Variants in PTPRG observed in about 807,000 individuals in gnomAD.
PTPRG encodes the protein receptor-type tyrosine-protein phosphatase gamma.
PTPRG carries 102 observed loss-of-function variants against 165.3 expected under a neutral mutation model. The observed-to-expected ratio is 0.62, with a 90% CI of 0.53 to 0.73. PTPRG has a LOEUF of 0.73. Among genes scored for constraint, PTPRG ranks in the 30% least tolerant of loss-of-function variants. PTPRG has a pLI of 0.00. For missense variants in PTPRG, 1,866 were observed against 1,861.4 expected (o/e 1.00, Z -0.05); for synonymous variants, 675 against 669.5 (o/e 1.01, Z -0.13).
At chr3:61,801,474 T>C (rs2107171740) in intron 2 of PTPRG, among the ~76,000 whole-genome samples, 1 of 151,596 alleles carries the variant, frequency 6.6e-6, no homozygotes, top group African/African-American at 2.4e-5. Context: ...TTTACACACA[T>C]ACATAGAAGA....
At chr3:62,292,628 G>T (rs915364231) in intron 29 of PTPRG, 72 bp downstream of exon 29, 1 of 1,537,762 alleles carries the variant, frequency 6.5e-7, no homozygotes. Context: ...TAGAGCAGTA[G>T]TTCTCAATTG....
intron 28 of PTPRG, among the ~76,000 whole-genome samples, chr3:62,287,459 G>C (rs1462677515): frequency 6.6e-6 from 1 of 152,026 alleles, no homozygotes; most frequent in African/African-American, 2.4e-5. Context: ...CATTTATTAT[G>C]AAATAGGAAC....
chr3:62,286,633 T>TAAAGGCAGG (rs1247120591), intron 28 of PTPRG, among the ~76,000 whole-genome samples: 1 of 151,906 alleles, frequency 6.6e-6, no homozygotes, highest in Admixed American at 6.6e-5. Flanking sequence ...TTGAAGTAAA[T>TAAAGGCAGG]AAAGGCAGGG....
chr3:62,221,979 C>A (rs1700661230), intron 13 of PTPRG, among the ~76,000 whole-genome samples: 1 of 152,204 alleles, frequency 6.6e-6, no homozygotes, highest in Non-Finnish European at 1.5e-5. Context: ...TGGGTGGCAC[C>A]AACTCATGTG....
chr3:62,069,684 T>TCTCTCTCACA (rs542306888), intron 4 of PTPRG, among the ~76,000 whole-genome samples: 20 of 145,054 alleles, frequency 1.4e-4, no homozygotes, highest in Admixed American at 5.5e-4. Flanking sequence ...TCTCTCTCTC[T>TCTCTCTCACA]CACACACAGA....
intron 4 of PTPRG, among the ~76,000 whole-genome samples, chr3:62,034,603 A>G (rs184079671): frequency 2.4e-4 from 36 of 152,348 alleles, no homozygotes; most frequent in Admixed American, 9.1e-4. Flanking sequence ...GTAGATATCC[A>G]TTAAAATTCT....
At chr3:62,178,136 A>AGGATGGATGGATGGAT (rs66547961) in intron 8 of PTPRG, among the ~76,000 whole-genome samples, 26 of 141,638 alleles carry the variant, frequency 1.8e-4, no homozygotes, top group East Asian at 8.8e-4. Flanking sequence ...AATGGATGGG[A>AGGATGGATGGATGGAT]GGATGGATGG....
intron 16 of PTPRG, among the ~76,000 whole-genome samples, chr3:62,256,743 T>C (rs1701545148): frequency 6.6e-6 from 1 of 152,150 alleles, no homozygotes; most frequent in African/African-American, 2.4e-5. Context: ...GCAACTCCAG[T>C]TTCTCAATTA....
chr3:62,045,018 T>C (rs1317506753), intron 4 of PTPRG, among the ~76,000 whole-genome samples: 1 of 152,130 alleles, frequency 6.6e-6, no homozygotes. Context: ...GTGTTTTAAT[T>C]TGCATTCATT....
chr3:61,621,049 A>G (rs57155937), intron 1 of PTPRG, among the ~76,000 whole-genome samples: 19,183 of 103,966 alleles, frequency 0.18, 1,797 homozygotes, highest in African/African-American at 0.28. Context: ...ATATATATAT[A>G]TATGTGTGTG....
chr3:61,765,380 TTTA>T (rs1309187494), intron 2 of PTPRG, among the ~76,000 whole-genome samples: 2 of 152,144 alleles, frequency 1.3e-5, no homozygotes, highest in South Asian at 2.1e-4. Context: ...TGAGATTGCT[TTTA>T]TTATTATTGT....
intron 3 of PTPRG, among the ~76,000 whole-genome samples, chr3:61,995,665 CGCCTGCCT>C: frequency 6.9e-6 from 1 of 145,628 alleles, no homozygotes; most frequent in African/African-American, 2.6e-5. Flanking sequence ...CTAGGCTTTC[CGCCTGCCT>C]GCCCGCCCGC....
At position 61,743,069 on chromosome 3, in the gene PTPRG, C is replaced by CCGCCT. The variant is rs145593303; in HGVS notation, c.86-5806_86-5802dup. Reference sequence around the variant, plus strand: ...TGGTTCCGGTGCAGGACTTCCCGCACCGCCTCGTACAGGGTGTTGCGAGAG... The same window carrying CCGCCT: ...TGGTTCCGGTGCAGGACTTCCCGCACCGCCTCGCCTCGTACAGGGTGTTGCGAGAG... On this transcript the variant is annotated intron_variant, in intron 1 of 29. Transcript: ENST00000474889. 206 of 1,591,190 alleles carry CCGCCT rather than the reference C, an allele frequency of 1.3e-4. No individual in the cohort carries two copies. In the African/African-American group the frequency reaches 2.4e-3, roughly 19 times the overall value.
intron 14 of PTPRG, among the ~76,000 whole-genome samples, chr3:62,241,340 A>G (rs1039302648): frequency 2.6e-5 from 4 of 152,142 alleles, no homozygotes; most frequent in African/African-American, 9.7e-5. Context: ...CATTCCCCAC[A>G]AAGTTCTGTA....
intron 20 of PTPRG, among the ~76,000 whole-genome samples, chr3:62,270,196 T>G (rs1308217415): frequency 6.6e-6 from 1 of 152,138 alleles, no homozygotes; most frequent in Non-Finnish European, 1.5e-5. Context: ...TAATTTTTTT[T>G]TTTTCTTGGT....
intron 1 of PTPRG, among the ~76,000 whole-genome samples, chr3:61,683,745 T>C (rs573406085): frequency 1.3e-5 from 2 of 152,338 alleles, no homozygotes; most frequent in Admixed American, 6.5e-5. Flanking sequence ...GAAGCCTTCT[T>C]GAAAAACATT....
intron 2 of PTPRG, among the ~76,000 whole-genome samples, chr3:61,958,135 C>CT (rs1575823324): frequency 1.3e-5 from 2 of 150,878 alleles, no homozygotes; most frequent in East Asian, 1.9e-4. Flanking sequence ...TTTCTTTTTT[C>CT]CTTTTTTTTG....
At position 62,243,802 on chromosome 3, in the gene PTPRG, C is replaced by A; in HGVS notation, c.2376-5C>A. On this transcript the variant is annotated splice_polypyrimidine_tract_variant and splice_region_variant and intron_variant, in intron 14 of 29. Transcript: ENST00000474889. ...TATTGACATGTTTTTCTCTTTTCTA[C>A]ACAGAAAATGTTTTCAGACTGCTCA... 1 of 1,555,412 alleles carries A rather than the reference C, an allele frequency of 6.4e-7. No homozygotes were observed. The highest frequency in any genetic ancestry group is 8.8e-7 in the Non-Finnish European group (1 of 1,132,828).
intron 1 of PTPRG, among the ~76,000 whole-genome samples, chr3:61,632,579 A>G (rs540285684): frequency 2.6e-5 from 4 of 152,324 alleles, no homozygotes; most frequent in South Asian, 4.1e-4. Context: ...TAGACACAGC[A>G]GCCATTGTCA....
Sources: allele counts gnomAD v4.1 joint callset (sites outside exome capture counted in the v4.1 genomes callset), GRCh38; gene constraint gnomAD v4.1.1; transcripts MANE v1.5; gene names NCBI Gene and HGNC (gene_info 2026-07-23, HGNC 2026-07-21).